Variants in PFKFB3 observed in about 807,000 individuals in gnomAD.
The protein encoded by PFKFB3 is 6-phosphofructo-2-kinase/fructose-2,6-bisphosphatase 3.
Under a neutral mutation model 68.0 loss-of-function variants are expected in PFKFB3, and 33 were observed. The observed-to-expected ratio is 0.49, with a 90% confidence interval of 0.37 to 0.65. The LOEUF is 0.65. Among genes scored for constraint, PFKFB3 ranks in the 30% least tolerant of loss-of-function variants. The pLI is 0.00. For synonymous variants in PFKFB3, 315 were observed against 288.2 expected (o/e 1.09, Z -0.94); for missense variants, 586 against 712.2 (o/e 0.82, Z 2.02).
At chr10:6,193,694 C>G (rs1843092739) in intron 1 of PFKFB3, among the ~76,000 whole-genome samples, 1 of 152,140 alleles carries the variant, frequency 6.6e-6, no homozygotes, top group Non-Finnish European at 1.5e-5. Flanking sequence ...ATCATTGGTT[C>G]TTATAGGTTT....
intron 1 of PFKFB3, among the ~76,000 whole-genome samples, chr10:6,155,380 A>G (rs1841744656): frequency 6.7e-6 from 1 of 150,042 alleles, no homozygotes; most frequent in Admixed American, 6.6e-5. Context: ...TTTTTTTTGT[A>G]TTTTTCATAG....
At chr10:6,266,079 T>A in the PFKFB3 span, among the ~76,000 whole-genome samples, 1 of 152,050 alleles carries the variant, frequency 6.6e-6, no homozygotes, top group Non-Finnish European at 1.5e-5. Context: ...CTGGTTATTT[T>A]AAATTTTTTT....
the PFKFB3 span, among the ~76,000 whole-genome samples, chr10:6,262,376 C>T: frequency 1.3e-4 from 5 of 39,320 alleles, no homozygotes; most frequent in East Asian, 2.2e-3. Flanking sequence ...ATGGCGTGAA[C>T]CCTGGGGGGC....
At chr10:6,309,792 C>G in the PFKFB3 span, among the ~76,000 whole-genome samples, 14 of 152,242 alleles carry the variant, frequency 9.2e-5, no homozygotes, top group Non-Finnish European at 1.0e-4. Context: ...CCACGTTTGT[C>G]ATGAGGTGCT....
chr10:6,209,980 C>T (rs1844059186), intron 1 of PFKFB3, among the ~76,000 whole-genome samples: 1 of 150,634 alleles, frequency 6.6e-6, no homozygotes, highest in East Asian at 2.0e-4. Flanking sequence ...TCTCGATCTC[C>T]TGACCTTGTG....
chr10:6,289,048 GTTGT>G, the PFKFB3 span, among the ~76,000 whole-genome samples: 1,899 of 150,192 alleles, frequency 0.013, 49 homozygotes, highest in African/African-American at 0.045. Flanking sequence ...TTTTGATGGG[GTTGT>G]TTGTTTTTTT....
chr10:6,238,477 C>CAAAAAAAAAAAAAAAAA (rs71390201), downstream of PFKFB3, among the ~76,000 whole-genome samples: 1 of 89,556 alleles, frequency 1.1e-5, no homozygotes. Flanking sequence ...GGTGCCATCT[C>CAAAAAAAAAAAAAAAAA]AAAAAAAAAA....
At chr10:6,176,116 T>G in intron 1 of PFKFB3, among the ~76,000 whole-genome samples, 1 of 152,194 alleles carries the variant, frequency 6.6e-6, no homozygotes, top group African/African-American at 2.4e-5. Context: ...TGCAGTGGAA[T>G]ACTACAGAAG....
upstream of PFKFB3, chr10:6,144,926 GC>G: frequency 8.5e-7 from 1 of 1,169,756 alleles, no homozygotes; most frequent in Non-Finnish European, 1.1e-6. Flanking sequence ...GCCCCGAGTC[GC>G]GGGGCTGCCG....
At chr10:6,282,989 G>C in the PFKFB3 span, among the ~76,000 whole-genome samples, 6 of 152,162 alleles carry the variant, frequency 3.9e-5, no homozygotes, top group Admixed American at 1.3e-4. Flanking sequence ...ATTTGAGACA[G>C]AGTTTGGTTC....
At chr10:6,320,344 A>G in the PFKFB3 span, among the ~76,000 whole-genome samples, 1 of 152,252 alleles carries the variant, frequency 6.6e-6, no homozygotes, top group Non-Finnish European at 1.5e-5. Flanking sequence ...GGTTTTAAAA[A>G]AATGGAAAAA....
At chr10:6,317,615 G>C in the PFKFB3 span, among the ~76,000 whole-genome samples, 1 of 152,144 alleles carries the variant, frequency 6.6e-6, no homozygotes, top group African/African-American at 2.4e-5. Context: ...GAAGGCATTG[G>C]ATGGGCTATC....
intron 1 of PFKFB3, among the ~76,000 whole-genome samples, chr10:6,183,612 A>ATATATATATAT (rs1554843838): frequency 1.8e-5 from 1 of 55,232 alleles, no homozygotes; most frequent in African/African-American, 6.6e-5. Context: ...AAAAAAAAAA[A>ATATATATATAT]AAATATATAT....
At chr10:6,158,148 G>A (rs1024371270) in intron 1 of PFKFB3, among the ~76,000 whole-genome samples, 4 of 151,948 alleles carry the variant, frequency 2.6e-5, no homozygotes, top group Non-Finnish European at 5.9e-5. Flanking sequence ...AATTAGCCGG[G>A]CGTGGTGGCG....
chr10:6,198,413 A>G (rs1004176024), upstream of PFKFB3, among the ~76,000 whole-genome samples: 1 of 152,208 alleles, frequency 6.6e-6, no homozygotes, highest in Non-Finnish European at 1.5e-5. Flanking sequence ...GCTGCTGTGT[A>G]TTCTCCTCAC....
At chr10:6,282,709 C>G in the PFKFB3 span, among the ~76,000 whole-genome samples, 4 of 151,932 alleles carry the variant, frequency 2.6e-5, no homozygotes, top group Admixed American at 2.6e-4. Flanking sequence ...TTAAAGTAAC[C>G]AAGAATTTAC....
chr10:6,237,252 C>T (rs189389549), downstream of PFKFB3, among the ~76,000 whole-genome samples: 25 of 152,384 alleles, frequency 1.6e-4, no homozygotes, highest in Admixed American at 1.6e-3. Flanking sequence ...CCCTCTGTCT[C>T]CTGAACCTGG....
downstream of PFKFB3, among the ~76,000 whole-genome samples, chr10:6,237,954 C>T (rs1032002164): frequency 3.4e-5 from 5 of 148,722 alleles, no homozygotes; most frequent in Non-Finnish European, 6.0e-5. Flanking sequence ...GTGTGTGAGC[C>T]GGTCTTTCCA....
intron 13 of PFKFB3, chr10:6,225,050 G>C (rs76075200): frequency 9.5e-5 from 43 of 451,096 alleles, no homozygotes; most frequent in Non-Finnish European, 1.5e-4. Context: ...GTCTACCTTG[G>C]GGGGAGGCCT....
Sources: gnomAD v4.1 joint callset for allele counts (sites outside exome capture counted in the v4.1 genomes callset) on GRCh38, gnomAD v4.1.1 for gene constraint, MANE v1.5 for transcripts, NCBI Gene and HGNC (gene_info 2026-07-23, HGNC 2026-07-21) for gene names.